TMEM132B: variants seen among roughly 807,000 people sequenced by gnomAD.
TMEM132B encodes transmembrane protein 132B.
A neutral mutation model predicts 90.8 loss-of-function variants in TMEM132B; 18 were observed. The observed-to-expected ratio is 0.20, with a 90% CI of 0.14 to 0.29. TMEM132B has a LOEUF of 0.29. Ranked by LOEUF, TMEM132B falls within the 10% of genes least tolerant of loss-of-function variation. TMEM132B has a pLI of 1.00. For missense variants in TMEM132B, 1,096 were observed against 1,326.8 expected (o/e 0.83, Z 2.70); for synonymous variants, 504 against 523.3 (o/e 0.96, Z 0.50).
chr12:125,572,527 G>T (rs1267664563), intron 4 of TMEM132B, among the ~76,000 whole-genome samples: 2 of 152,148 alleles, frequency 1.3e-5, no homozygotes, highest in Non-Finnish European at 2.9e-5. Context: ...AAAAAATTTT[G>T]TTCTTTATAA....
intron 1 of TMEM132B, among the ~76,000 whole-genome samples, chr12:125,196,275 A>G (rs1872923521): frequency 6.6e-6 from 1 of 152,254 alleles, no homozygotes; most frequent in Non-Finnish European, 1.5e-5. Flanking sequence ...GACCAAATCA[A>G]TATTTCTTAG....
At chr12:125,587,580 G>C (rs1391203701) in intron 5 of TMEM132B, 1 of 152,136 alleles carries the variant, frequency 6.6e-6, no homozygotes, top group African/African-American at 2.4e-5. Context: ...TTGAAGAGAG[G>C]ATGCTCCTCT....
intron 1 of TMEM132B, among the ~76,000 whole-genome samples, chr12:125,326,025 G>T (rs1034433898): frequency 2.0e-5 from 3 of 152,154 alleles, no homozygotes; most frequent in African/African-American, 7.2e-5. Flanking sequence ...CCCATGTAGT[G>T]CAGTGACATT....
intron 5 of TMEM132B, among the ~76,000 whole-genome samples, chr12:125,593,181 T>C (rs1456306304): frequency 2.6e-5 from 4 of 152,228 alleles, no homozygotes; most frequent in African/African-American, 9.6e-5. Flanking sequence ...TCCTTCTTTA[T>C]GCTGGTAATT....
At chr12:125,204,826 A>G (rs560531957) in intron 1 of TMEM132B, among the ~76,000 whole-genome samples, 68 of 84,378 alleles carry the variant, frequency 8.1e-4, no homozygotes, top group Non-Finnish European at 8.7e-4. Flanking sequence ...AATCCTTTCA[A>G]TGAGGGCTCC....
intron 1 of TMEM132B, among the ~76,000 whole-genome samples, chr12:125,325,518 G>A (rs574795994): frequency 1.3e-5 from 2 of 152,284 alleles, no homozygotes; most frequent in Non-Finnish European, 2.9e-5. Flanking sequence ...TTGAACGCAC[G>A]GATTGTGGCA....
At chr12:125,515,683 A>C (rs1883126674) in intron 3 of TMEM132B, among the ~76,000 whole-genome samples, 1 of 151,466 alleles carries the variant, frequency 6.6e-6, no homozygotes, top group South Asian at 2.1e-4. Flanking sequence ...ACACTCACAC[A>C]CATTCCCTCC....
At chr12:125,617,917 A>G (rs1593025065) in intron 5 of TMEM132B, among the ~76,000 whole-genome samples, 1 of 151,340 alleles carries the variant, frequency 6.6e-6, no homozygotes, top group Non-Finnish European at 1.5e-5. Context: ...ATAGTTGCTC[A>G]CCTGCAGCTG....
At chr12:125,575,927 A>G (rs1884931627) in intron 4 of TMEM132B, among the ~76,000 whole-genome samples, 2 of 152,126 alleles carry the variant, frequency 1.3e-5, no homozygotes, top group Non-Finnish European at 2.9e-5. Context: ...TGAGCCTTCC[A>G]ACTGTTATTT....
rs193046409 is a variant in TMEM132B, at chr12:125,454,163, G to C, written c.1106+38486G>C. ...GCCACGTTTCTGTTTTCAGAAAGAG[G>C]CAGCAAAGTTATCATTATGACAACT... On this transcript the variant is annotated intron_variant, in intron 3 of 8. Coordinates refer to ENST00000682704, the MANE Select transcript of TMEM132B (RefSeq NM_001366854.1). 2.6e-3 allele frequency among the ~76,000 whole-genome samples: 397 copies of C among 152,182 alleles called. 3 individuals are homozygous for C. Among genetic ancestry groups the C allele is most frequent in the African/African-American group, 9.2e-3 (380 of 41,514 alleles).
rs1247446926 is a variant in TMEM132B, at chr12:125,246,460, C to T, written c.67+59594C>T. Among the ~76,000 whole-genome samples the T allele has an allele frequency of 6.6e-6, 1 of 152,194 alleles. No homozygotes were observed. Among genetic ancestry groups the T allele is most frequent in the Admixed American group, 6.5e-5 (1 of 15,286 alleles). ...TAACATGCTGTCCCCACTCAGATGC[C>T]TTGTTTCGAAACAGCGTGCCGGTGT... On this transcript the variant is annotated intron_variant, in intron 1 of 8. Transcript: ENST00000682704. This position sits in a 1 kb window ranked among gnomAD's most constrained non-coding sequence, Gnocchi z 4.2.
At chr12:125,424,172 G>A (rs568242744) in intron 3 of TMEM132B, among the ~76,000 whole-genome samples, 2 of 152,008 alleles carry the variant, frequency 1.3e-5, no homozygotes, top group African/African-American at 4.8e-5. Flanking sequence ...CCTGTTAAAC[G>A]TTCCTTTAAA....
At chr12:125,314,342 C>T (rs1390160915) in intron 1 of TMEM132B, among the ~76,000 whole-genome samples, 2 of 152,186 alleles carry the variant, frequency 1.3e-5, no homozygotes, top group Admixed American at 6.5e-5. Context: ...GAGGTTTTGC[C>T]GAGATTCGGT....
chr12:125,597,388 A>G (rs373430152), intron 5 of TMEM132B, among the ~76,000 whole-genome samples: 10 of 152,250 alleles, frequency 6.6e-5, no homozygotes, highest in South Asian at 2.1e-4. Context: ...CAGGTTGTTC[A>G]TCTCTTGGAT....
chr12:125,395,171 T>C (rs1233223394), intron 2 of TMEM132B, among the ~76,000 whole-genome samples: 1 of 152,162 alleles, frequency 6.6e-6, no homozygotes, highest in East Asian at 1.9e-4. Context: ...GGACAGGAAA[T>C]ATCCAGTGCA....
At chr12:125,559,353 A>G (rs1884465536) in intron 4 of TMEM132B, among the ~76,000 whole-genome samples, 1 of 152,226 alleles carries the variant, frequency 6.6e-6, no homozygotes, top group African/African-American at 2.4e-5. Context: ...TGACAGAGTG[A>G]GACCTCGTCT....
chr12:125,396,694 A>G (rs995609264), intron 2 of TMEM132B, among the ~76,000 whole-genome samples: 4 of 151,860 alleles, frequency 2.6e-5, no homozygotes, highest in African/African-American at 9.7e-5. Context: ...TTTTCTGGAG[A>G]TGGGATCTTG....
intron 3 of TMEM132B, among the ~76,000 whole-genome samples, chr12:125,435,458 C>T (rs1438259402): frequency 6.6e-6 from 1 of 152,128 alleles, no homozygotes; most frequent in African/African-American, 2.4e-5. Context: ...TTAGACACAT[C>T]CTCCCTGGTC....
At chr12:125,318,489 T>C (rs1299001622) in intron 1 of TMEM132B, among the ~76,000 whole-genome samples, 4 of 152,158 alleles carry the variant, frequency 2.6e-5, no homozygotes, top group Non-Finnish European at 4.4e-5. Flanking sequence ...CAGAATGCAT[T>C]AGCTATTTTT....
Sources: gnomAD v4.1 joint callset for allele counts (sites outside exome capture counted in the v4.1 genomes callset) on GRCh38, gnomAD v4.1.1 for gene constraint, Gnocchi (gnomAD v3.1) non-coding constraint, MANE v1.5 for transcripts, NCBI Gene and HGNC (gene_info 2026-07-23, HGNC 2026-07-21) for gene names.